The following LNPEP variants were observed in gnomAD, a reference collection of about 807,000 sequenced individuals.
LNPEP encodes leucyl and cystinyl aminopeptidase, also known as leucyl-cystinyl aminopeptidase.
LNPEP carries 64 observed loss-of-function variants against 120.6 expected under a neutral mutation model. The observed-to-expected ratio is 0.53, with a 90% CI of 0.43 to 0.65. LNPEP has a LOEUF of 0.65. LNPEP is among the 30% of genes least tolerant of loss of function. The pLI, the probability that LNPEP is intolerant of heterozygous loss-of-function variation, is 0.00. For synonymous variants in LNPEP, 435 were observed against 425.4 expected (o/e 1.02, Z -0.28); for missense variants, 1,057 against 1,200.0 (o/e 0.88, Z 1.76).
At chr5:96,999,061 G>A (rs1474499214) in intron 8 of LNPEP, among the ~76,000 whole-genome samples, 1 of 152,070 alleles carries the variant, frequency 6.6e-6, no homozygotes, top group Non-Finnish European at 1.5e-5. Flanking sequence ...GAAAAGAAGA[G>A]AAAGTTGAGT....
intron 1 of LNPEP, among the ~76,000 whole-genome samples, chr5:96,938,336 G>A (rs967402828): frequency 5.9e-5 from 9 of 152,136 alleles, no homozygotes; most frequent in East Asian, 1.9e-4. Context: ...TTTGTTACAC[G>A]TTCATCCTCT....
chr5:96,990,547 C>T (rs1790366463), intron 4 of LNPEP, among the ~76,000 whole-genome samples: 1 of 152,148 alleles, frequency 6.6e-6, no homozygotes, highest in Non-Finnish European at 1.5e-5. Context: ...ACAATAACTA[C>T]CATTTATTGA....
chr5:96,982,558 C>G (rs562160178), intron 2 of LNPEP, among the ~76,000 whole-genome samples: 91 of 152,246 alleles, frequency 6.0e-4, no homozygotes, highest in Non-Finnish European at 1.9e-4. Context: ...AGTGGTGGGT[C>G]TCTCTTGTAT....
intron 5 of LNPEP, 78 bp downstream of exon 5, chr5:96,993,213 T>C: frequency 2.7e-6 from 3 of 1,110,890 alleles, no homozygotes; most frequent in Non-Finnish European, 2.5e-6. Flanking sequence ...TAGAAAGAGG[T>C]TCTGCCCAAG....
At chr5:96,972,884 G>C (rs1217559691) in intron 1 of LNPEP, among the ~76,000 whole-genome samples, 1 of 152,082 alleles carries the variant, frequency 6.6e-6, no homozygotes, top group East Asian at 1.9e-4. Flanking sequence ...GGGAGACAAA[G>C]TCAGGGTGAG....
At chr5:97,016,173 A>T (rs1000905176) in intron 13 of LNPEP, among the ~76,000 whole-genome samples, 3 of 152,098 alleles carry the variant, frequency 2.0e-5, no homozygotes, top group African/African-American at 7.2e-5. Context: ...CTTAAGTTAG[A>T]TGATTTTCTG....
rs771673559 is a variant in LNPEP at position 97,027,845 on chromosome 5, T to C, written c.2946+31T>C. On this transcript the variant is annotated intron_variant, in intron 17 of 17. Transcript: ENST00000231368. ...TTTTATAAAATGATAATACAGAGAC[T>C]GGGCAACCCTCCGCACACCCGGACC... The C allele has an allele frequency of 9.7e-6, 13 of 1,338,608 alleles. No individual in the cohort carries two copies. In the South Asian group the frequency reaches 1.4e-4, roughly 14 times the overall value. 82.9% of individuals were successfully genotyped at this position (1,338,608 alleles called of 1,614,324 possible).
chr5:97,003,507 A>T lies in LNPEP; in HGVS notation c.1746A>T (p.Ala582=). 1 of 1,608,294 alleles carries T rather than the reference A, an allele frequency of 6.2e-7. No homozygotes were observed. The highest frequency in any genetic ancestry group is 2.2e-5 in the East Asian group (1 of 44,740). The change falls in exon 9 of 18, where the codon GCA becomes GCT. Residue 582 remains alanine, a synonymous_variant. Transcript: ENST00000231368. ...VVLYLHNHSY[A]SIQSDDLWDS... ...TTTACCTGCATAATCACAGCTATGC[A>T]TCTATTCAAAGTGATGATCTGTGGG...
At chr5:97,023,378 G>A (rs765111530) in intron 14 of LNPEP, among the ~76,000 whole-genome samples, 122 of 151,870 alleles carry the variant, frequency 8.0e-4, no homozygotes, top group African/African-American at 2.8e-3. Flanking sequence ...CCCAGTATCC[G>A]GAGTAGCTGG....
chr5:96,962,397 A>G (rs1433328081), intron 1 of LNPEP, among the ~76,000 whole-genome samples: 1 of 152,186 alleles, frequency 6.6e-6, no homozygotes, highest in Non-Finnish European at 1.5e-5. Flanking sequence ...AATGTGTGTA[A>G]AATGCTAATT....
At chr5:96,936,284 C>T (rs1334966121) in intron 1 of LNPEP, 110 bp downstream of exon 1, 3 of 895,158 alleles carry the variant, frequency 3.4e-6, no homozygotes, top group Middle Eastern at 3.8e-4. Flanking sequence ...ACACCGCGGG[C>T]TTCCCACGAG....
At position 97,014,985 on chromosome 5, in the gene LNPEP, C is replaced by T; in HGVS notation, c.2266C>T (p.Leu756Phe). The T allele has an allele frequency of 6.3e-7, 1 of 1,589,350 alleles. No individual in the cohort carries two copies. The highest frequency in any genetic ancestry group is 1.2e-5 in the South Asian group (1 of 85,260). The change falls in exon 13 of 18, where the codon CTT (leucine) becomes TTT (phenylalanine). Residue 756 changes from leucine (L) to phenylalanine (F), a missense_variant. By Grantham distance (22) the Leu-to-Phe change is conservative. Coordinates refer to ENST00000231368, the MANE Select transcript of LNPEP (RefSeq NM_005575.3). ...GAGGGCCTTTGATTTGATTAATTAT[C>T]TTGGAAATGAGAACCATACTGCACC... ...LKRAFDLINY[L>F]GNENHTAPIT...
chr5:97,015,097 T>TA lies in LNPEP; in HGVS notation c.2376+4dup, dbSNP rs1357776549. ...ATGGATCTGGCCTCAAGACTGGTGG[T>TA]AAGTCTGCCTTTTTGCCAGCTTCTT... is the stretch of plus-strand genomic sequence containing the variant. On this transcript the variant is annotated splice_region_variant and intron_variant, in intron 13 of 17. Coordinates refer to ENST00000231368, the MANE Select transcript of LNPEP (RefSeq NM_005575.3). 6.5e-7 allele frequency: 1 copy of TA among 1,528,026 alleles called. No individual in the cohort carries two copies. The highest frequency in any genetic ancestry group is 2.5e-5 in the East Asian group (1 of 40,782). 94.7% of individuals were successfully genotyped at this position (1,528,026 alleles called of 1,614,324 possible).
chr5:97,030,423 C>T lies in LNPEP; in HGVS notation c.*1890C>T, dbSNP rs1791444332. Reference sequence around the variant, plus strand: ...ACTAAACTTTTGAGAGTTTTGTTGTCGTTGCTGGTTTTTTACCATGTGGTA... The same window carrying T: ...ACTAAACTTTTGAGAGTTTTGTTGTTGTTGCTGGTTTTTTACCATGTGGTA... On this transcript the variant is annotated 3_prime_UTR_variant, in exon 18 of 18. Coordinates refer to ENST00000231368, the MANE Select transcript of LNPEP (RefSeq NM_005575.3). 6.6e-6 allele frequency: 1 copy of T among 151,954 alleles called. No homozygotes were observed. The highest frequency in any genetic ancestry group is 2.1e-4 in the South Asian group (1 of 4,826). 9.4% of individuals were successfully genotyped at this position (151,954 alleles called of 1,614,324 possible).
chr5:96,984,884 G>A (rs890537187), intron 2 of LNPEP, among the ~76,000 whole-genome samples, 196 bp from the exon 3 acceptor site: 2 of 152,014 alleles, frequency 1.3e-5, no homozygotes, highest in Admixed American at 1.3e-4. Context: ...TGTTCCCATT[G>A]CTTTATTTTC....
intron 1 of LNPEP, chr5:96,962,777 A>C (rs1789636715): frequency 6.6e-6 from 1 of 151,476 alleles, no homozygotes; most frequent in Non-Finnish European, 1.5e-5. Context: ...ATTCTTAATT[A>C]CTCTGCTGTG....
chr5:96,985,368 T>C, intron 3 of LNPEP, 150 bp downstream of exon 3: 2 of 676,898 alleles, frequency 3.0e-6, no homozygotes, highest in South Asian at 3.5e-5. Flanking sequence ...AAAATTAAAA[T>C]ATATTGGCAT....
At position 97,016,161 on chromosome 5, in the gene LNPEP, T is replaced by C. The variant is rs569058062; in HGVS notation, c.2376+1066T>C. Reference sequence around the variant, plus strand: ...ACCCCATCCCTATCCATAAGCAAGATGCTTAAGTTAGATGATTTTCTGAGG... The same window carrying C: ...ACCCCATCCCTATCCATAAGCAAGACGCTTAAGTTAGATGATTTTCTGAGG... On this transcript the variant is annotated intron_variant, in intron 13 of 17. Transcript: ENST00000231368. 5.0e-4 allele frequency among the ~76,000 whole-genome samples: 76 copies of C among 152,210 alleles called. 1 individual carries two copies. Among genetic ancestry groups the C allele is most frequent in the Non-Finnish European group, 6.5e-4 (44 of 67,974 alleles).
In LNPEP at chr5:97,028,166, T is replaced by G. The variant is rs557890809; in HGVS notation, c.2947-236T>G. The stretch of plus-strand genomic sequence containing the variant: ...AACATCTCCTTGGTTCCATTTTAAG[T>G]TAGAAAAATGTATCTGTGTGGGAGT... On this transcript the variant is annotated intron_variant, in intron 17 of 17. Coordinates refer to ENST00000231368, the MANE Select transcript of LNPEP (RefSeq NM_005575.3). 1.3e-3 allele frequency among the ~76,000 whole-genome samples: 201 copies of G among 152,354 alleles called. No homozygotes were observed. The highest frequency in any genetic ancestry group is 2.5e-3 in the Non-Finnish European group (168 of 68,036).
Sources: gnomAD v4.1 joint callset for allele counts (sites outside exome capture counted in the v4.1 genomes callset) on GRCh38, gnomAD v4.1.1 for gene constraint, MANE v1.5 for transcripts, NCBI Gene and HGNC (gene_info 2026-07-23, HGNC 2026-07-21) for gene names.